MDGA2: variants seen among roughly 807,000 people sequenced by gnomAD.
The protein encoded by MDGA2 is MAM domain-containing glycosylphosphatidylinositol anchor protein 2.
A neutral mutation model predicts 117.8 loss-of-function variants in MDGA2; 40 were observed. The observed-to-expected ratio is 0.34, with a 90% CI of 0.26 to 0.44. The LOEUF is 0.44. Ranked by LOEUF, MDGA2 falls within the 20% of genes least tolerant of loss-of-function variation. The pLI is 1.00. For missense variants in MDGA2, 1,123 were observed against 1,250.6 expected (o/e 0.90, Z 1.54); for synonymous variants, 452 against 439.0 (o/e 1.03, Z -0.37).
At position 47,096,198 on chromosome 14, in the gene MDGA2, C is replaced by A. The variant is rs141284077; in HGVS notation, c.1195+656G>T. 5.3e-3 allele frequency among the ~76,000 whole-genome samples: 804 copies of A among 152,106 alleles called. 2 individuals are homozygous for A. Among genetic ancestry groups the A allele is most frequent in the Non-Finnish European group, 7.6e-3 (518 of 67,940 alleles). Reference sequence around the variant, plus strand: ...CGTCTTCTATCTCTGACTTTTCTGTCTTTTCTCAATTTCAATCTGTCAAAA... The same window carrying A: ...CGTCTTCTATCTCTGACTTTTCTGTATTTTCTCAATTTCAATCTGTCAAAA... On this transcript the variant is annotated intron_variant, in intron 6 of 16. Transcript: ENST00000399232.
intron 2 of MDGA2, among the ~76,000 whole-genome samples, chr14:47,279,928 T>C (rs935649069): frequency 6.6e-6 from 1 of 152,072 alleles, no homozygotes; most frequent in African/African-American, 2.4e-5. Flanking sequence ...TGGAGTGCAG[T>C]GGCACAATCA....
intron 11 of MDGA2, among the ~76,000 whole-genome samples, chr14:46,878,039 C>T (rs1039839280): frequency 2.0e-5 from 3 of 151,830 alleles, no homozygotes; most frequent in African/African-American, 7.2e-5. Context: ...TACATCAATG[C>T]CTTTTTGTTT....
chr14:47,309,394 G>A (rs1343447733), intron 1 of MDGA2, among the ~76,000 whole-genome samples: 1 of 152,060 alleles, frequency 6.6e-6, no homozygotes, highest in Non-Finnish European at 1.5e-5. Context: ...TTGATGAGTT[G>A]TAAAGTGAAA....
intron 1 of MDGA2, among the ~76,000 whole-genome samples, chr14:47,467,248 A>G (rs1004025277): frequency 9.5e-4 from 145 of 152,290 alleles, no homozygotes; most frequent in African/African-American, 3.3e-3. Flanking sequence ...CTTTACCCTC[A>G]TCAAAGACTA....
chr14:47,360,354 A>AAAATAAATAAATAAATAAAT (rs60754618), intron 1 of MDGA2, among the ~76,000 whole-genome samples: 7 of 139,972 alleles, frequency 5.0e-5, no homozygotes, highest in African/African-American at 1.1e-4. Context: ...TCCATCTCAA[A>AAAATAAATAAATAAATAAAT]AAATAAATAA....
chr14:47,284,063 T>C (rs1300348367), intron 2 of MDGA2, among the ~76,000 whole-genome samples: 1 of 152,226 alleles, frequency 6.6e-6, no homozygotes, highest in Non-Finnish European at 1.5e-5. Context: ...ACTTAATTTT[T>C]CTAGCCTTAG....
At position 47,533,260 on chromosome 14, in the gene MDGA2, A is replaced by G. The variant is rs926214750; in HGVS notation, c.280+141257T>C. Among the ~76,000 whole-genome samples, 17 of 152,344 alleles carry G rather than the reference A, an allele frequency of 1.1e-4. 1 individual carries two copies. Among genetic ancestry groups the G allele is most frequent in the African/African-American group, 4.1e-4 (17 of 41,582 alleles). On this transcript the variant is annotated intron_variant, in intron 1 of 16. Transcript: ENST00000399232. ...AATAAACACCAGGAAAGAAAGCAAC[A>G]TATGTCTGAGACATGCGCCAATTAG... is the stretch of plus-strand genomic sequence containing the variant.
intron 7 of MDGA2, among the ~76,000 whole-genome samples, chr14:47,038,518 T>C (rs1004719199): frequency 2.0e-5 from 3 of 152,172 alleles, no homozygotes; most frequent in African/African-American, 7.2e-5. Flanking sequence ...CTTTCCTCCC[T>C]GCTGAATTAA....
At chr14:47,552,649 TTCTC>T (rs1469478667) in intron 1 of MDGA2, among the ~76,000 whole-genome samples, 1 of 152,162 alleles carries the variant, frequency 6.6e-6, no homozygotes, top group Non-Finnish European at 1.5e-5. Flanking sequence ...GTCTTTTTCT[TTCTC>T]TCTGTTAAAA....
At chr14:46,941,269 G>C (rs1884990537) in intron 9 of MDGA2, among the ~76,000 whole-genome samples, 1 of 152,114 alleles carries the variant, frequency 6.6e-6, no homozygotes, top group South Asian at 2.1e-4. Flanking sequence ...CTTAAGTAAT[G>C]CTCACTTAAG....
intron 1 of MDGA2, among the ~76,000 whole-genome samples, chr14:47,642,649 GTATC>G (rs147439757): frequency 0.09 from 13,737 of 151,850 alleles, 642 homozygotes; most frequent in Non-Finnish European, 0.11. Context: ...CCCTATCTAT[GTATC>G]TATCTATCTA....
chr14:47,416,577 A>C (rs1245190580), intron 1 of MDGA2, among the ~76,000 whole-genome samples: 1 of 152,118 alleles, frequency 6.6e-6, no homozygotes, highest in Non-Finnish European at 1.5e-5. Context: ...TCCACTAGGC[A>C]CTGCCCTAGT....
chr14:47,205,651 A>AT (rs2139458784), intron 3 of MDGA2, among the ~76,000 whole-genome samples: 1 of 152,082 alleles, frequency 6.6e-6, no homozygotes, highest in Admixed American at 6.6e-5. Context: ...GTTTCATCCA[A>AT]TTTTTTCATT....
At chr14:47,566,943 C>T (rs1416590291) in intron 1 of MDGA2, among the ~76,000 whole-genome samples, 4 of 150,620 alleles carry the variant, frequency 2.7e-5, no homozygotes, top group African/African-American at 9.8e-5. Context: ...AGGTTTTGCT[C>T]TGTTGCCAAG....
At chr14:47,390,727 G>A (rs945751489) in intron 1 of MDGA2, among the ~76,000 whole-genome samples, 3 of 152,082 alleles carry the variant, frequency 2.0e-5, no homozygotes, top group Admixed American at 6.6e-5. Context: ...TAATTAAACC[G>A]GTTTCTTTCT....
intron 1 of MDGA2, among the ~76,000 whole-genome samples, chr14:47,565,919 G>A (rs1054429188): frequency 6.6e-6 from 1 of 152,230 alleles, no homozygotes; most frequent in Non-Finnish European, 1.5e-5. Flanking sequence ...CACTCTGGCA[G>A]CAATGGTAGT....
chr14:46,891,844 CATA>C (rs1280952610), intron 10 of MDGA2, among the ~76,000 whole-genome samples: 1 of 150,484 alleles, frequency 6.6e-6, no homozygotes, highest in Admixed American at 6.6e-5. Context: ...TAATAAATAT[CATA>C]ATAAATATTT....
chr14:46,986,579 T>G (rs1886867040), intron 8 of MDGA2, among the ~76,000 whole-genome samples: 1 of 152,116 alleles, frequency 6.6e-6, no homozygotes, highest in South Asian at 2.1e-4. Flanking sequence ...TCTGCTGGAT[T>G]CCAGATAGTC....
intron 11 of MDGA2, among the ~76,000 whole-genome samples, chr14:46,880,368 CAATA>C (rs1168132474): frequency 6.6e-6 from 1 of 151,842 alleles, no homozygotes; most frequent in East Asian, 1.9e-4. Flanking sequence ...TGAAGCAATA[CAATA>C]AATATGAACT....
Sources: gnomAD v4.1 joint callset for allele counts (sites outside exome capture counted in the v4.1 genomes callset) on GRCh38, gnomAD v4.1.1 for gene constraint, MANE v1.5 for transcripts, NCBI Gene and HGNC (gene_info 2026-07-23, HGNC 2026-07-21) for gene names.